The following MRPS35 variants were observed in gnomAD, a reference collection of about 807,000 sequenced individuals.
MRPS35 encodes small ribosomal subunit protein mS35.
MRPS35 carries 29 observed loss-of-function variants against 32.7 expected under a neutral mutation model. That is an observed-to-expected ratio of 0.89 (90% CI 0.66 to 1.21). The LOEUF is 1.21. Among genes scored for constraint, MRPS35 ranks in the 50% most tolerant of loss-of-function variants. The pLI is 0.00. For synonymous variants in MRPS35, 148 were observed against 139.3 expected, an observed-to-expected ratio of 1.06 and a Z score of -0.44; for missense variants, 373 against 383.8, an observed-to-expected ratio of 0.97 and a Z score of 0.23.
At chr12:27,714,656 G>A (rs980212453) in intron 1 of MRPS35, 124 bp from the exon 2 acceptor site, 4 of 465,698 alleles carry the variant, frequency 8.6e-6, no homozygotes, top group Admixed American at 8.1e-5. Context: ...AAAAAAGATT[G>A]TTTCATTGTT....
intron 5 of MRPS35, among the ~76,000 whole-genome samples, chr12:27,727,614 G>A (rs778475811): frequency 6.6e-6 from 1 of 152,056 alleles, no homozygotes; most frequent in Non-Finnish European, 1.5e-5. Context: ...GTTAAGTGGC[G>A]TATGACAGTA....
intron 5 of MRPS35, among the ~76,000 whole-genome samples, chr12:27,730,408 C>G (rs1434017190): frequency 6.6e-6 from 1 of 152,122 alleles, no homozygotes; most frequent in Non-Finnish European, 1.5e-5. Context: ...AAGTGCCATT[C>G]TCATCACATC....
rs574398296 is a variant in MRPS35 at position 27,755,628 on chromosome 12, C to A, written c.*178C>A. ...ACTCCAGAGTTTTTTAATTTTTACA[C>A]TGGGGCAATAGACTAGGAGGTCTCT... On this transcript the variant is annotated 3_prime_UTR_variant, in exon 8 of 8. Coordinates refer to ENST00000081029, the MANE Select transcript of MRPS35 (RefSeq NM_021821.4). 145 of 484,406 alleles carry A rather than the reference C, an allele frequency of 3.0e-4. No homozygotes were observed. Among genetic ancestry groups the A allele is most frequent in the African/African-American group, 2.7e-3 (132 of 49,574 alleles). The allele number at this position is 484,406 out of a possible 1,614,324, so 30.0% of individuals were successfully genotyped here.
At chr12:27,746,174 C>T (rs1591802859) in intron 7 of MRPS35, among the ~76,000 whole-genome samples, 1 of 152,260 alleles carries the variant, frequency 6.6e-6, no homozygotes, top group African/African-American at 2.4e-5. Flanking sequence ...GTGCTGAGCT[C>T]TGATTGTGAA....
At chr12:27,714,920 C>A in intron 2 of MRPS35, 100 bp downstream of exon 2, 1 of 1,034,336 alleles carries the variant, frequency 9.7e-7, no homozygotes, top group Non-Finnish European at 1.5e-6. Flanking sequence ...GAGAAGACTT[C>A]ACAAGGTCAT....
At chr12:27,732,474 C>T (rs7960580) in intron 5 of MRPS35, among the ~76,000 whole-genome samples, 151,598 of 152,232 alleles carry the variant, frequency 1, 75,490 homozygotes, top group East Asian at 1. Flanking sequence ...GACTCTGCAC[C>T]CCACCTGCTG....
intron 7 of MRPS35, among the ~76,000 whole-genome samples, chr12:27,748,439 G>GT (rs1491528438): frequency 1.1e-4 from 1 of 8,892 alleles, no homozygotes; most frequent in East Asian, 5.7e-3. Context: ...AAGAAAAGTG[G>GT]TGTGTGTGTG....
intron 7 of MRPS35, among the ~76,000 whole-genome samples, chr12:27,739,640 A>G (rs2061955769): frequency 6.6e-6 from 1 of 152,220 alleles, no homozygotes. Flanking sequence ...TGATTTTAGA[A>G]ATGCTGTTGG....
chr12:27,725,798 C>CTTTTTTTTT (rs1176188580), intron 5 of MRPS35: 4 of 68,242 alleles, frequency 5.9e-5, no homozygotes, highest in Non-Finnish European at 9.6e-5. Context: ...CCTTGTATAC[C>CTTTTTTTTT]TTTTTTTTTT....
chr12:27,741,339 C>CT (rs35335017), intron 7 of MRPS35, among the ~76,000 whole-genome samples: 34,844 of 151,874 alleles, frequency 0.23, 4,879 homozygotes, highest in African/African-American at 0.4. Context: ...GTAATAGCCT[C>CT]GACTATTTAA....
At position 27,755,356 on chromosome 12, in the gene MRPS35, A is replaced by G. The variant is rs1280392095; in HGVS notation, c.878A>G (p.Lys293Arg). 2 of 1,608,590 alleles carry G rather than the reference A, an allele frequency of 1.2e-6. No individual in the cohort carries two copies. Among genetic ancestry groups the G allele is most frequent in the African/African-American group, 1.3e-5 (1 of 74,540 alleles). ...LLGTKEIEEYKKSVVSLKNEE... is the reference protein window; with the variant it reads ...LLGTKEIEEYRKSVVSLKNEE... Reference sequence around the variant, plus strand: ...GGTACTAAAGAAATTGAAGAGTACAAAAAGTCTGTTGTTAGTCTTAAAAAT... The same window carrying G: ...GGTACTAAAGAAATTGAAGAGTACAGAAAGTCTGTTGTTAGTCTTAAAAAT... The change falls in exon 8 of 8, where the codon AAA (lysine) becomes AGA (arginine). Residue 293 changes from lysine (K) to arginine (R), a missense_variant. By Grantham distance (26) the Lys-to-Arg change is conservative. Transcript: ENST00000081029.
chr12:27,736,092 A>G (rs2061942229), intron 6 of MRPS35, among the ~76,000 whole-genome samples: 1 of 152,240 alleles, frequency 6.6e-6, no homozygotes, highest in Non-Finnish European at 1.5e-5. Context: ...GTATGTTTTC[A>G]CTAAATGGCT....
intron 7 of MRPS35, among the ~76,000 whole-genome samples, chr12:27,747,039 T>C (rs2061983855): frequency 6.6e-6 from 1 of 152,200 alleles, no homozygotes; most frequent in Admixed American, 6.5e-5. Context: ...GGTTTCCCAT[T>C]ACTTAGGATA....
chr12:27,755,603 A>T lies in MRPS35; in HGVS notation c.*153A>T. 1.6e-6 allele frequency: 1 copy of T among 625,786 alleles called. No individual in the cohort carries two copies. Among genetic ancestry groups the T allele is most frequent in the Non-Finnish European group, 2.4e-6 (1 of 409,750 alleles). The allele number at this position is 625,786 out of a possible 1,614,324, so 38.8% of individuals were successfully genotyped here. A position where few individuals can be genotyped will look rare whatever the true frequency, so the allele number is the denominator to read the frequency against. On this transcript the variant is annotated 3_prime_UTR_variant, in exon 8 of 8. Transcript: ENST00000081029. ...ATACTAATGCTTAATGGCAATGATT[A>T]CTCCAGAGTTTTTTAATTTTTACAC...
chr12:27,736,670 A>C (rs1455357834), intron 6 of MRPS35, among the ~76,000 whole-genome samples: 1 of 152,204 alleles, frequency 6.6e-6, no homozygotes, highest in Non-Finnish European at 1.5e-5. Flanking sequence ...AAGTAATCGT[A>C]TCTTTCTGTA....
Position 27,755,202 on chromosome 12 carries a change from A to C in MRPS35, c.724A>C (p.Ser242Arg). ...TCAGAATACTGAAGAATGGGAAAAAAGTAAGACTGAAGCAGACATGGAAGA... is the reference window on the plus strand; with the variant it reads ...TCAGAATACTGAAGAATGGGAAAAACGTAAGACTGAAGCAGACATGGAAGA... ...ESWNTEEWEK[S>R]KTEADMEEYI... The change falls in exon 8 of 8, where the codon AGT becomes CGT. Residue 242 changes from serine (S) to arginine (R), a missense_variant. Coordinates refer to ENST00000081029, the MANE Select transcript of MRPS35 (RefSeq NM_021821.4). 2 of 1,564,458 alleles carry C rather than the reference A, an allele frequency of 1.3e-6. No individual in the cohort carries two copies. The highest frequency in any genetic ancestry group is 1.7e-6 in the Non-Finnish European group (2 of 1,163,612).
At chr12:27,753,655 T>C (rs1262020037) in intron 7 of MRPS35, among the ~76,000 whole-genome samples, 1 of 152,204 alleles carries the variant, frequency 6.6e-6, no homozygotes, top group Non-Finnish European at 1.5e-5. Context: ...AAAGTTGTTA[T>C]TCAGAATAAT....
chr12:27,735,142 A>G (rs1006016960), intron 5 of MRPS35, among the ~76,000 whole-genome samples: 3 of 152,202 alleles, frequency 2.0e-5, no homozygotes, highest in African/African-American at 7.2e-5. Context: ...GTTTAATTCT[A>G]TTAGTGCTAC....
chr12:27,724,018 G>A lies in MRPS35; in HGVS notation c.383-29G>A, dbSNP rs772797225. The A allele has an allele frequency of 1.9e-6, 3 of 1,604,850 alleles. No individual in the cohort carries two copies. In the East Asian group the frequency reaches 6.7e-5, roughly 36 times the overall value. On this transcript the variant is annotated intron_variant, in intron 4 of 7. Coordinates refer to ENST00000081029, the MANE Select transcript of MRPS35 (RefSeq NM_021821.4). ...ACAATGAGAATTTACTTGCAAAAGT[G>A]TAATTGAAATTATTTCTTTTATTCT...
Sources: allele counts gnomAD v4.1 joint callset (sites outside exome capture counted in the v4.1 genomes callset), GRCh38; gene constraint gnomAD v4.1.1; transcripts MANE v1.5; gene names NCBI Gene and HGNC (gene_info 2026-07-23, HGNC 2026-07-21).